CNTN2: variants seen among roughly 807,000 people sequenced by gnomAD.
The protein encoded by CNTN2 is contactin 2.
In CNTN2, 53 loss-of-function variants were observed where a neutral mutation model predicts 117.5. The ratio of observed to expected loss-of-function variants is 0.45; its 90% CI spans 0.36 to 0.57. CNTN2 has a LOEUF of 0.57. CNTN2 is among the 20% of genes least tolerant of loss of function. The pLI, the probability that CNTN2 is intolerant of heterozygous loss-of-function variation, is 0.00. For synonymous variants in CNTN2, 530 were observed against 561.7 expected, an observed-to-expected ratio of 0.94 and a Z score of 0.80; for missense variants, 1,106 against 1,404.3, an observed-to-expected ratio of 0.79 and a Z score of 3.39.
intron 1 of CNTN2, among the ~76,000 whole-genome samples, chr1:205,051,463 G>T (rs2096452746): frequency 6.6e-6 from 1 of 152,210 alleles, no homozygotes; most frequent in South Asian, 2.1e-4. Context: ...GGTTGCAAGT[G>T]CAGAATGTCT....
intron 16 of CNTN2, chr1:205,067,494 T>G (rs993892280): frequency 1.7e-5 from 7 of 403,114 alleles, no homozygotes; most frequent in Admixed American, 4.1e-5. Flanking sequence ...GCATCTATAA[T>G]TTTTTTAAGT....
rs1189551047 is a variant in CNTN2, at chr1:205,058,697, G to A, written c.487+34G>A. 6.5e-7 allele frequency: 1 copy of A among 1,533,260 alleles called. No individual in the cohort carries two copies. The highest frequency in any genetic ancestry group is 1.4e-5 in the African/African-American group (1 of 73,208). 95.0% of individuals were successfully genotyped at this position (1,533,260 alleles called of 1,614,324 possible). ...AGACCTGGGGCCAGGGTTAGAGAGG[G>A]CACAGGAAGGGCTTCCAGATGCTTG... On this transcript the variant is annotated intron_variant, in intron 5 of 22. Transcript: ENST00000331830. The surrounding 1 kb of genome is among the most constrained non-coding windows in gnomAD (Gnocchi z 4.3).
chr1:205,047,799 C>G (rs1035744337), intron 1 of CNTN2, among the ~76,000 whole-genome samples: 1 of 152,150 alleles, frequency 6.6e-6, no homozygotes, highest in Non-Finnish European at 1.5e-5. Flanking sequence ...GTTCTAAGAT[C>G]TGATCTTTCC....
intron 2 of CNTN2, among the ~76,000 whole-genome samples, chr1:205,053,532 G>A (rs1326442429): frequency 6.6e-6 from 1 of 151,974 alleles, no homozygotes; most frequent in East Asian, 1.9e-4. Context: ...CAAGATGATG[G>A]CACGCCAGAT....
At chr1:205,062,229 T>C (rs1574648172) in intron 9 of CNTN2, 3 of 821,428 alleles carry the variant, frequency 3.7e-6, no homozygotes, top group Non-Finnish European at 5.5e-6. Context: ...GATGTGGTCC[T>C]GACTGGGTCA....
chr1:205,058,945 G>A lies in CNTN2; in HGVS notation c.488-139G>A. 1.3e-6 allele frequency: 1 copy of A among 787,946 alleles called. No individual in the cohort carries two copies. The highest frequency in any genetic ancestry group is 2.7e-5 in the East Asian group (1 of 37,348). 48.8% of individuals were successfully genotyped at this position (787,946 alleles called of 1,614,324 possible). A position where few individuals can be genotyped will look rare whatever the true frequency, so the allele number is the denominator to read the frequency against. On this transcript the variant is annotated intron_variant, in intron 5 of 22. Coordinates refer to ENST00000331830, the MANE Select transcript of CNTN2 (RefSeq NM_005076.5). This position sits in a 1 kb window ranked among gnomAD's most constrained non-coding sequence, Gnocchi z 4.3. ...GAATAAAGTCACTTCTTCCCTCTAGGTCTCCCCTTAGCCCCAGTTCAGAGC... is the reference window on the plus strand; with the variant it reads ...GAATAAAGTCACTTCTTCCCTCTAGATCTCCCCTTAGCCCCAGTTCAGAGC...
intron 9 of CNTN2, 154 bp from the exon 10 acceptor site, chr1:205,062,286 G>A (rs1289979371): frequency 1.8e-6 from 2 of 1,110,954 alleles, no homozygotes; most frequent in East Asian, 2.5e-5. Context: ...TGCATCCTGA[G>A]GTTCCAGGCA....
At position 205,058,219 on chromosome 1, in the gene CNTN2, G is replaced by T; in HGVS notation, c.254G>T (p.Gly85Val). Reference sequence around the variant, plus strand: ...GGTACCGAGATGAAGCTGGAGCCAGGTTCCCGTCACCAGCTGGTGGGGGGC... The same window carrying T: ...GGTACCGAGATGAAGCTGGAGCCAGTTTCCCGTCACCAGCTGGTGGGGGGC... ...MNGTEMKLEP[G>V]SRHQLVGGNL... The change falls in exon 4 of 23, where the codon GGT becomes GTT. Residue 85 changes from glycine (G) to valine (V), a missense_variant. By Grantham distance (109) the Gly-to-Val change is moderately radical. Transcript: ENST00000331830. This position sits in a 1 kb window ranked among gnomAD's most constrained non-coding sequence, Gnocchi z 4.3. 4 of 1,575,764 alleles carry T rather than the reference G, an allele frequency of 2.5e-6. No homozygotes were observed. The highest frequency in any genetic ancestry group is 3.4e-6 in the Non-Finnish European group (4 of 1,161,160).
Position 205,066,421 on chromosome 1 carries a change from G to A in CNTN2, c.1817-20G>A. The A allele has an allele frequency of 6.2e-7, 1 of 1,612,010 alleles. No individual in the cohort carries two copies. The highest frequency in any genetic ancestry group is 1.1e-5 in the South Asian group (1 of 90,766). On this transcript the variant is annotated intron_variant, in intron 14 of 22. Coordinates refer to ENST00000331830, the MANE Select transcript of CNTN2 (RefSeq NM_005076.5). ...AAGCTGCCCAATTCTGACCCACTGT[G>A]CTCTGACCTCTTGGTGCAGGTCCGC...
intron 21 of CNTN2, 110 bp downstream of exon 21, chr1:205,072,705 G>A (rs955872329): frequency 1.3e-6 from 1 of 799,476 alleles, no homozygotes; most frequent in Non-Finnish European, 2.1e-6. Context: ...TGAGACATAA[G>A]CAAAGGGTTT....
intron 2 of CNTN2, among the ~76,000 whole-genome samples, chr1:205,053,908 CA>C (rs774559183): frequency 3.2e-4 from 49 of 152,014 alleles, no homozygotes; most frequent in Non-Finnish European, 5.2e-4. Context: ...GTTCTCCTCC[CA>C]GGGGAGCTTC....
At chr1:205,047,143 G>A (rs976621297) in intron 1 of CNTN2, among the ~76,000 whole-genome samples, 6 of 152,290 alleles carry the variant, frequency 3.9e-5, no homozygotes, top group African/African-American at 2.4e-5. Flanking sequence ...AGCTCACAGA[G>A]GGGACTAAGG....
At position 205,059,911 on chromosome 1, in the gene CNTN2, C is replaced by T; in HGVS notation, c.797+229C>T. 3.6e-6 allele frequency: 2 copies of T among 549,326 alleles called. No homozygotes were observed. The highest frequency in any genetic ancestry group is 4.1e-5 in the South Asian group (2 of 48,294). 34.0% of individuals were successfully genotyped at this position (549,326 alleles called of 1,614,324 possible). A position where few individuals can be genotyped will look rare whatever the true frequency, so the allele number is the denominator to read the frequency against. On this transcript the variant is annotated intron_variant, in intron 7 of 22. Coordinates refer to ENST00000331830, the MANE Select transcript of CNTN2 (RefSeq NM_005076.5). The surrounding 1 kb of genome is among the most constrained non-coding windows in gnomAD (Gnocchi z 5.6). Reference sequence around the variant, plus strand: ...TGGCCAGGATCACTTGGTCTTCCAGCAGTGCATGGCAGGCTCAGACAGCTT... The same window carrying T: ...TGGCCAGGATCACTTGGTCTTCCAGTAGTGCATGGCAGGCTCAGACAGCTT...
Position 205,074,096 on chromosome 1 carries a change from G to A in CNTN2, c.*331G>A, listed in dbSNP as rs1208931661. ...TTAAAAACATGTCTTCAACTCAGCA[G>A]AGATGGCCCTCTGGGACCCTATACG... On this transcript the variant is annotated 3_prime_UTR_variant, in exon 23 of 23. Transcript: ENST00000331830. The A allele has an allele frequency of 1.8e-6, 1 of 559,556 alleles. No individual in the cohort carries two copies. The highest frequency in any genetic ancestry group is 1.9e-5 in the African/African-American group (1 of 53,470). The allele number at this position is 559,556 out of a possible 1,614,324, so 34.7% of individuals were successfully genotyped here.
intron 19 of CNTN2, 137 bp from the exon 20 acceptor site, chr1:205,071,810 C>G: frequency 1.4e-6 from 1 of 739,106 alleles, no homozygotes; most frequent in Non-Finnish European, 2.1e-6. Context: ...TGCTCATGAT[C>G]TAGTCTCCAG....
At chr1:205,060,715 C>CA (rs34919627) in intron 7 of CNTN2, 1,436 of 96,084 alleles carry the variant, frequency 0.015, 17 homozygotes, top group African/African-American at 0.024. Context: ...GACTCCGTCT[C>CA]AAAAAAAAAA....
At chr1:205,049,422 A>G (rs540023153) in intron 1 of CNTN2, among the ~76,000 whole-genome samples, 41 of 149,372 alleles carry the variant, frequency 2.7e-4, no homozygotes, top group Non-Finnish European at 5.0e-4. Flanking sequence ...TATATCACAC[A>G]TATACACAGG....
At position 205,065,461 on chromosome 1, in the gene CNTN2, G is replaced by GTGTCCCTAACTCC. The variant is rs1654232504; in HGVS notation, c.1695+199_1695+200insTGTCCCTAACTCC. Among the ~76,000 whole-genome samples, 1 of 152,116 alleles carries GTGTCCCTAACTCC rather than the reference G, an allele frequency of 6.6e-6. No homozygotes were observed. The highest frequency in any genetic ancestry group is 1.5e-5 in the Non-Finnish European group (1 of 68,018). ...CCACCCAGGGACCATGCATTTAGGA[G>GTGTCCCTAACTCC]AGGGTTAGGGACAAACCTGGAGTTG... On this transcript the variant is annotated intron_variant, in intron 13 of 22. Transcript: ENST00000331830. The surrounding 1 kb of genome is among the most constrained non-coding windows in gnomAD (Gnocchi z 4.1).
In CNTN2 at chr1:205,069,834, C is replaced by T. The variant is rs1257117468; in HGVS notation, c.2204C>T (p.Ser735Leu). The change falls in exon 18 of 23, where the codon TCA becomes TTA. Residue 735 changes from serine (S) to leucine (L), a missense_variant. Coordinates refer to ENST00000331830, the MANE Select transcript of CNTN2 (RefSeq NM_005076.5). ...CATGCTCTTGCCCCTCAGCCCATGTCACGGGAGTACCAGAACGGAGACGGC... is the reference window on the plus strand; with the variant it reads ...CATGCTCTTGCCCCTCAGCCCATGTTACGGGAGTACCAGAACGGAGACGGC... ...GELIVNWTPMSREYQNGDGFG... is the reference protein window; with the variant it reads ...GELIVNWTPMLREYQNGDGFG... The T allele has an allele frequency of 3.1e-6, 5 of 1,613,456 alleles. No homozygotes were observed. The highest frequency in any genetic ancestry group is 3.4e-6 in the Non-Finnish European group (4 of 1,179,672).
Sources: gnomAD v4.1 joint callset for allele counts (sites outside exome capture counted in the v4.1 genomes callset) on GRCh38, gnomAD v4.1.1 for gene constraint, Gnocchi (gnomAD v3.1) non-coding constraint, MANE v1.5 for transcripts, NCBI Gene and HGNC (gene_info 2026-07-23, HGNC 2026-07-21) for gene names.